The following COX10 variants were observed in gnomAD, a reference collection of about 807,000 sequenced individuals.
COX10 encodes cytochrome c oxidase assembly factor heme A:farnesyltransferase COX10, also known as protoheme IX farnesyltransferase, mitochondrial.
In COX10, 27 loss-of-function variants were observed where a neutral mutation model predicts 37.3. That is an observed-to-expected ratio of 0.72 (90% confidence interval 0.53 to 1.00). The LOEUF is 1.00. Ranked by LOEUF, COX10 falls within the 50% of genes least tolerant of loss-of-function variation. COX10 has a pLI of 0.00. For missense variants in COX10, 475 were observed against 563.2 expected (o/e 0.84, Z 1.59); for synonymous variants, 222 against 229.1 (o/e 0.97, Z 0.28).
chr17:14,106,133 C>T (rs751014360), intron 4 of COX10, among the ~76,000 whole-genome samples: 1 of 152,060 alleles, frequency 6.6e-6, no homozygotes, highest in Non-Finnish European at 1.5e-5. Flanking sequence ...TCTCCTGCCG[C>T]AGCCTCCCAA....
chr17:14,204,077 G>A (rs1015135572), intron 6 of COX10, among the ~76,000 whole-genome samples: 8 of 152,162 alleles, frequency 5.3e-5, no homozygotes, highest in Non-Finnish European at 7.3e-5. Context: ...TGGCTCCCTT[G>A]ATGAGTTTGG....
intron 5 of COX10, among the ~76,000 whole-genome samples, chr17:14,182,599 A>G (rs1199902265): frequency 6.6e-6 from 1 of 152,202 alleles, no homozygotes; most frequent in Non-Finnish European, 1.5e-5. Context: ...GGCTTTCTCC[A>G]GAAACTCATT....
At chr17:14,162,999 A>G (rs1417274987) in intron 5 of COX10, among the ~76,000 whole-genome samples, 2 of 152,160 alleles carry the variant, frequency 1.3e-5, no homozygotes, top group Non-Finnish European at 2.9e-5. Flanking sequence ...ATTCCTTCCA[A>G]CTTACAACAT....
intron 4 of COX10, among the ~76,000 whole-genome samples, chr17:14,139,166 A>G (rs1904469176): frequency 6.6e-6 from 1 of 152,186 alleles, no homozygotes; most frequent in African/African-American, 2.4e-5. Flanking sequence ...CTTGATTTTT[A>G]TAAAAAGTAA....
chr17:14,105,409 A>C (rs1291788257), intron 4 of COX10, among the ~76,000 whole-genome samples: 1 of 152,210 alleles, frequency 6.6e-6, no homozygotes, highest in Non-Finnish European at 1.5e-5. Context: ...GCTGCCAGTT[A>C]AAGCACACAT....
intron 5 of COX10, chr17:14,179,300 T>C (rs1419481021): frequency 5.1e-5 from 37 of 725,282 alleles, no homozygotes; most frequent in Non-Finnish European, 6.2e-5. Context: ...TATATATTTT[T>C]TAGTGATATC....
chr17:14,094,761 T>G (rs1390504349), intron 3 of COX10, among the ~76,000 whole-genome samples: 1 of 152,218 alleles, frequency 6.6e-6, no homozygotes, highest in Non-Finnish European at 1.5e-5. Context: ...ATATTTCACC[T>G]ATAATTTTAT....
At chr17:14,108,520 A>G (rs186630723) in intron 4 of COX10, among the ~76,000 whole-genome samples, 7 of 152,276 alleles carry the variant, frequency 4.6e-5, no homozygotes, top group Admixed American at 3.3e-4. Context: ...TGACAAGGGT[A>G]TGTTATCTTT....
chr17:14,129,641 C>A (rs1191507854), intron 4 of COX10, among the ~76,000 whole-genome samples: 1 of 152,076 alleles, frequency 6.6e-6, no homozygotes, highest in African/African-American at 2.4e-5. Context: ...GAGAAAACTC[C>A]CCATAATTAT....
chr17:14,140,193 C>T (rs1206318100), intron 4 of COX10, among the ~76,000 whole-genome samples: 1 of 152,126 alleles, frequency 6.6e-6, no homozygotes, highest in East Asian at 1.9e-4. Context: ...TCTATCTATA[C>T]TTATTATTTG....
At chr17:14,130,254 G>A (rs556397025) in intron 4 of COX10, among the ~76,000 whole-genome samples, 1 of 152,006 alleles carries the variant, frequency 6.6e-6, no homozygotes, top group East Asian at 1.9e-4. Flanking sequence ...ACAACTAAAG[G>A]CACTGGATAT....
chr17:14,134,535 T>G (rs572994667), intron 4 of COX10, among the ~76,000 whole-genome samples: 5 of 151,722 alleles, frequency 3.3e-5, no homozygotes, highest in Non-Finnish European at 7.4e-5. Context: ...GATGCCTAAT[T>G]TTGCTTTGTA....
At chr17:14,143,350 C>G (rs895616528) in intron 4 of COX10, among the ~76,000 whole-genome samples, 1 of 151,930 alleles carries the variant, frequency 6.6e-6, no homozygotes, top group East Asian at 1.9e-4. Context: ...TATGTATTTG[C>G]TTGAAAACAT....
At chr17:14,111,337 G>A (rs1054675089) in intron 4 of COX10, among the ~76,000 whole-genome samples, 12 of 152,020 alleles carry the variant, frequency 7.9e-5, no homozygotes, top group African/African-American at 2.4e-4. Flanking sequence ...GATTTCTTCC[G>A]GAAACAACGA....
chr17:14,151,023 T>C (rs1904877659), intron 4 of COX10, among the ~76,000 whole-genome samples: 1 of 151,894 alleles, frequency 6.6e-6, no homozygotes, highest in Admixed American at 6.6e-5. Context: ...TGGAACCAAC[T>C]GAAAATGATA....
At chr17:14,206,175 G>A (rs1041100193) in intron 6 of COX10, among the ~76,000 whole-genome samples, 4 of 152,072 alleles carry the variant, frequency 2.6e-5, no homozygotes, top group African/African-American at 7.2e-5. Context: ...TGACGCACCC[G>A]CCTGCAGGTA....
intron 3 of COX10, among the ~76,000 whole-genome samples, chr17:14,099,086 T>C (rs1203186287): frequency 1.3e-5 from 2 of 152,130 alleles, no homozygotes; most frequent in African/African-American, 2.4e-5. Context: ...CCTAATCTGC[T>C]CATCTTCCTG....
intron 5 of COX10, among the ~76,000 whole-genome samples, chr17:14,165,774 C>A (rs1905267586): frequency 6.6e-6 from 1 of 152,132 alleles, no homozygotes; most frequent in African/African-American, 2.4e-5. Context: ...ATGTAAAGGA[C>A]AAGTTATTGA....
intron 4 of COX10, among the ~76,000 whole-genome samples, chr17:14,146,192 A>T (rs1281330873): frequency 6.6e-6 from 1 of 152,144 alleles, no homozygotes; most frequent in Non-Finnish European, 1.5e-5. Flanking sequence ...AAACTAGAGG[A>T]ATCACATTAC....
Sources: gnomAD v4.1 joint callset for allele counts (sites outside exome capture counted in the v4.1 genomes callset) on GRCh38, gnomAD v4.1.1 for gene constraint, MANE v1.5 for transcripts, NCBI Gene and HGNC (gene_info 2026-07-23, HGNC 2026-07-21) for gene names.